CALN1: variants seen among roughly 807,000 people sequenced by gnomAD.
CALN1 encodes the protein calcium-binding protein 8.
Under a neutral mutation model 30.6 loss-of-function variants are expected in CALN1, and 17 were observed. That is an observed-to-expected ratio of 0.56 (90% CI 0.38 to 0.83). The LOEUF (loss-of-function observed/expected upper bound fraction) is 0.83, where lower values mean the gene tolerates loss of function less well. CALN1 is among the 40% of genes least tolerant of loss of function. CALN1 has a pLI of 0.00. For missense variants in CALN1, 291 were observed against 354.9 expected, an observed-to-expected ratio of 0.82 and a Z score of 1.45; for synonymous variants, 156 against 131.4, an observed-to-expected ratio of 1.19 and a Z score of -1.28.
intron 2 of CALN1, among the ~76,000 whole-genome samples, chr7:72,283,037 C>A (rs545660099): frequency 1.5e-5 from 2 of 134,170 alleles, no homozygotes; most frequent in Middle Eastern, 3.9e-3. Flanking sequence ...CCTGGGTGAT[C>A]GAGGGAGACT....
At chr7:72,338,525 G>GTGTGTCTGTCTTTC in intron 2 of CALN1, among the ~76,000 whole-genome samples, 3 of 122,292 alleles carry the variant, frequency 2.5e-5, no homozygotes, top group African/African-American at 9.4e-5. Context: ...GTGTGTGTGT[G>GTGTGTCTGTCTTTC]TGTCTCACCT....
the CALN1 span, among the ~76,000 whole-genome samples, chr7:72,469,414 T>C: frequency 6.6e-6 from 1 of 152,214 alleles, no homozygotes; most frequent in African/African-American, 2.4e-5. Context: ...ATTTTATTTT[T>C]GAAGCAAGGT....
At chr7:71,839,908 G>T (rs140016790) in intron 5 of CALN1, among the ~76,000 whole-genome samples, 14 of 152,206 alleles carry the variant, frequency 9.2e-5, no homozygotes, top group African/African-American at 3.4e-4. Context: ...TGGGAAGGTG[G>T]ACCCCTCTCT....
intron 5 of CALN1, among the ~76,000 whole-genome samples, chr7:71,897,685 G>T (rs915231671): frequency 5.9e-5 from 9 of 151,612 alleles, no homozygotes; most frequent in African/African-American, 1.7e-4. Context: ...GAGAGGGGCT[G>T]GGGGGAAGAT....
chr7:72,462,845 C>T, the CALN1 span, among the ~76,000 whole-genome samples: 1 of 152,356 alleles, frequency 6.6e-6, no homozygotes, highest in East Asian at 1.9e-4. Flanking sequence ...ACATACTTTC[C>T]TCTAGCCAGA....
At chr7:71,878,735 G>T (rs972852746) in intron 5 of CALN1, among the ~76,000 whole-genome samples, 2 of 152,182 alleles carry the variant, frequency 1.3e-5, no homozygotes, top group Non-Finnish European at 1.5e-5. Flanking sequence ...CATCTGCCAC[G>T]TCCAGAGAGC....
At chr7:72,107,303 C>T (rs1019750505) in intron 3 of CALN1, among the ~76,000 whole-genome samples, 1 of 152,194 alleles carries the variant, frequency 6.6e-6, no homozygotes, top group Non-Finnish European at 1.5e-5. Flanking sequence ...CTCTTCCAGC[C>T]TCATAGGAGG....
At chr7:72,008,254 G>A (rs1308864805) in intron 5 of CALN1, among the ~76,000 whole-genome samples, 1 of 151,950 alleles carries the variant, frequency 6.6e-6, no homozygotes, top group African/African-American at 2.4e-5. Context: ...CCAATAACAA[G>A]TATTTAAACA....
intron 2 of CALN1, among the ~76,000 whole-genome samples, chr7:72,306,700 C>A (rs1340816363): frequency 6.6e-6 from 1 of 151,824 alleles, no homozygotes; most frequent in Non-Finnish European, 1.5e-5. Flanking sequence ...TAGAAGCCCC[C>A]ATTTTGAGTT....
chr7:71,872,984 A>G (rs1792027916), intron 5 of CALN1, among the ~76,000 whole-genome samples: 1 of 147,906 alleles, frequency 6.8e-6, no homozygotes, highest in African/African-American at 2.5e-5. Context: ...ATAGTTAAAC[A>G]CACAAAGTTT....
At chr7:72,319,709 T>A (rs1160231189) in intron 2 of CALN1, among the ~76,000 whole-genome samples, 2 of 152,238 alleles carry the variant, frequency 1.3e-5, no homozygotes, top group Non-Finnish European at 2.9e-5. Flanking sequence ...ATATATTTTT[T>A]AATTTTTAAA....
chr7:72,344,859 A>G (rs1802551566), intron 2 of CALN1, among the ~76,000 whole-genome samples: 1 of 147,654 alleles, frequency 6.8e-6, no homozygotes. Flanking sequence ...TATAGCATAT[A>G]TTTATATAAC....
intron 3 of CALN1, among the ~76,000 whole-genome samples, chr7:72,132,098 T>C (rs907218165): frequency 6.6e-6 from 1 of 152,216 alleles, no homozygotes; most frequent in Admixed American, 6.5e-5. Context: ...AAAAACATAT[T>C]GATCAATATC....
chr7:72,049,795 C>T (rs991356041), intron 4 of CALN1, among the ~76,000 whole-genome samples: 2 of 146,874 alleles, frequency 1.4e-5, no homozygotes, highest in Admixed American at 6.9e-5. Flanking sequence ...GGTGTGAGCA[C>T]CCGGGCCAAG....
At chr7:72,450,016 G>A (rs1037821438), upstream of CALN1, among the ~76,000 whole-genome samples, 12 of 151,872 alleles carry the variant, frequency 7.9e-5, no homozygotes, top group Non-Finnish European at 5.9e-5. Context: ...GGCCAGACTA[G>A]GCAACATAGC....
At position 72,035,817 on chromosome 7, in the gene CALN1, T is replaced by C. The variant is rs112611293; in HGVS notation, c.389-12048A>G. ...TTACATGGCCCAAACCACAAACTAGTAATTTTTGAAAACGCATTAATGTCT... is the reference window on the plus strand; with the variant it reads ...TTACATGGCCCAAACCACAAACTAGCAATTTTTGAAAACGCATTAATGTCT... On this transcript the variant is annotated intron_variant, in intron 4 of 6. Transcript: ENST00000395275. 3.0e-3 allele frequency among the ~76,000 whole-genome samples: 462 copies of C among 152,340 alleles called. 2 individuals are homozygous for C. The highest frequency in any genetic ancestry group is 5.4e-3 in the Non-Finnish European group (370 of 68,038).
intron 3 of CALN1, among the ~76,000 whole-genome samples, chr7:72,169,942 C>G (rs113307940): frequency 6.6e-6 from 1 of 152,012 alleles, no homozygotes; most frequent in South Asian, 2.1e-4. Context: ...ATCCACCTGC[C>G]TTGGCCTCCC....
chr7:72,072,373 A>T (rs1009459577), intron 4 of CALN1, among the ~76,000 whole-genome samples: 4 of 152,226 alleles, frequency 2.6e-5, no homozygotes, highest in African/African-American at 9.6e-5. Context: ...CCAATGTGCT[A>T]TAAGAAAAAA....
chr7:72,242,639 A>G (rs544307764), intron 3 of CALN1, among the ~76,000 whole-genome samples: 66 of 152,246 alleles, frequency 4.3e-4, no homozygotes, highest in African/African-American at 1.6e-3. Context: ...TGTAATCCTA[A>G]CACTTTAGGA....
Sources: gnomAD v4.1 joint callset for allele counts (sites outside exome capture counted in the v4.1 genomes callset) on GRCh38, gnomAD v4.1.1 for gene constraint, MANE v1.5 for transcripts, NCBI Gene and HGNC (gene_info 2026-07-23, HGNC 2026-07-21) for gene names.